The following WDR70 variants were observed in gnomAD, a reference collection of about 807,000 sequenced individuals.
WDR70 encodes WD repeat-containing protein 70.
In WDR70, 53 loss-of-function variants were observed where a neutral mutation model predicts 88.6. That is an observed-to-expected ratio of 0.60 (90% CI 0.48 to 0.75). The LOEUF is 0.75. Among genes scored for constraint, WDR70 ranks in the 30% least tolerant of loss-of-function variants. The probability of loss-of-function intolerance (pLI) is 0.00; values close to 1 mark genes in which losing one functional copy is unlikely to be tolerated. For missense variants in WDR70, 610 were observed against 823.2 expected, an observed-to-expected ratio of 0.74 and a Z score of 3.17; for synonymous variants, 280 against 270.0, an observed-to-expected ratio of 1.04 and a Z score of -0.36.
chr5:37,472,411 A>G (rs1392486039), intron 7 of WDR70, among the ~76,000 whole-genome samples: 1 of 152,072 alleles, frequency 6.6e-6, no homozygotes, highest in Non-Finnish European at 1.5e-5. Flanking sequence ...GTTTTACTCA[A>G]TAAAATGTTT....
At chr5:37,552,852 A>G (rs922064832) in intron 9 of WDR70, among the ~76,000 whole-genome samples, 3 of 152,232 alleles carry the variant, frequency 2.0e-5, no homozygotes, top group Non-Finnish European at 4.4e-5. Context: ...ATTGACACTC[A>G]TAATGCTAAG....
intron 8 of WDR70, among the ~76,000 whole-genome samples, chr5:37,512,045 C>G (rs1342504253): frequency 6.6e-6 from 1 of 152,152 alleles, no homozygotes; most frequent in African/African-American, 2.4e-5. Context: ...GGCCAGAAGG[C>G]TGAAATCAAG....
intron 5 of WDR70, among the ~76,000 whole-genome samples, chr5:37,421,420 C>T (rs865871906): frequency 4.6e-5 from 7 of 152,188 alleles, no homozygotes; most frequent in Admixed American, 2.6e-4. Flanking sequence ...TAAGCTGTGA[C>T]GCTTGTAAGG....
chr5:37,411,132 T>C (rs567567494), intron 5 of WDR70, among the ~76,000 whole-genome samples: 17 of 152,350 alleles, frequency 1.1e-4, no homozygotes, highest in African/African-American at 3.8e-4. Flanking sequence ...TGTTTTTTTA[T>C]TTTTATTTTG....
chr5:37,718,104 A>G lies in WDR70; in HGVS notation c.1417-3011A>G, dbSNP rs1037331669. Among the ~76,000 whole-genome samples, 5 of 152,150 alleles carry G rather than the reference A, an allele frequency of 3.3e-5. No individual in the cohort carries two copies. The South Asian group carries it at 1.0e-3, about 32-fold the overall frequency. The stretch of plus-strand genomic sequence containing the variant: ...CTTATTTGCCTCTCCCTGTTTCGGC[A>G]TGAAAGGAGGGTAAATATGCTTCTC... On this transcript the variant is annotated intron_variant, in intron 13 of 17. Transcript: ENST00000265107.
At chr5:37,563,553 G>A (rs1742611395) in intron 9 of WDR70, among the ~76,000 whole-genome samples, 2 of 59,792 alleles carry the variant, frequency 3.3e-5, no homozygotes, top group African/African-American at 7.4e-5. Flanking sequence ...GCCGGGCGGG[G>A]GGCTGACCCC....
At chr5:37,742,546 A>G (rs528348557) in intron 17 of WDR70, among the ~76,000 whole-genome samples, 1 of 152,210 alleles carries the variant, frequency 6.6e-6, no homozygotes, top group South Asian at 2.1e-4. Context: ...TCACTCTGTC[A>G]GTTGTGTCCT....
At chr5:37,506,615 T>A in intron 8 of WDR70, 1 of 777,110 alleles carries the variant, frequency 1.3e-6, no homozygotes, top group Non-Finnish European at 2.4e-6. Flanking sequence ...CTAACAATCC[T>A]TCAGGAGGCT....
chr5:37,443,782 G>A lies in WDR70; in HGVS notation c.686+410G>A, dbSNP rs1489772028. Among the ~76,000 whole-genome samples, 13 of 152,132 alleles carry A rather than the reference G, an allele frequency of 8.5e-5. 1 individual carries two copies. Among genetic ancestry groups the A allele is most frequent in the Admixed American group, 6.5e-4 (10 of 15,274 alleles). On this transcript the variant is annotated intron_variant, in intron 7 of 17. Coordinates refer to ENST00000265107, the MANE Select transcript of WDR70 (RefSeq NM_018034.4). ...CAGGAGAATTGCTCTAGCCTGAGGG[G>A]TGGAGGTTGCAGTGAGCTGAGATTG...
At chr5:37,450,341 T>A (rs1340286081) in intron 7 of WDR70, among the ~76,000 whole-genome samples, 2 of 152,160 alleles carry the variant, frequency 1.3e-5, no homozygotes. Flanking sequence ...GCTCCTGGGA[T>A]GTCACTGCTC....
chr5:37,407,743 G>A (rs1308693572), intron 5 of WDR70, among the ~76,000 whole-genome samples: 1 of 151,574 alleles, frequency 6.6e-6, no homozygotes, highest in Non-Finnish European at 1.5e-5. Flanking sequence ...TGCCTAGGCT[G>A]GTTTCAAACT....
intron 9 of WDR70, among the ~76,000 whole-genome samples, chr5:37,548,443 A>C (rs182122471): frequency 2.2e-4 from 34 of 152,226 alleles, no homozygotes; most frequent in African/African-American, 7.9e-4. Context: ...TCTTCTTTTG[A>C]GAAATGTCTA....
rs1448685898 is a variant in WDR70 at position 37,676,196 on chromosome 5, A to T, written c.1093-21459A>T. Among the ~76,000 whole-genome samples the T allele has an allele frequency of 4.0e-5, 6 of 151,430 alleles. No individual in the cohort carries two copies. In the South Asian group the frequency reaches 6.3e-4, roughly 16 times the overall value. ...CATCTGCAAACAGGGACAATTTGAC[A>T]TCCTCTTTTCCTAATTGAATACCCT... is the stretch of plus-strand genomic sequence containing the variant. On this transcript the variant is annotated intron_variant, in intron 10 of 17. Transcript: ENST00000265107.
intron 10 of WDR70, among the ~76,000 whole-genome samples, chr5:37,665,669 A>T (rs1581476773): frequency 6.6e-6 from 1 of 152,304 alleles, no homozygotes; most frequent in East Asian, 1.9e-4. Context: ...CTATGTAGAG[A>T]TAGGACTATT....
At chr5:37,638,301 A>G (rs1174316633) in intron 10 of WDR70, among the ~76,000 whole-genome samples, 2 of 152,178 alleles carry the variant, frequency 1.3e-5, no homozygotes, top group Non-Finnish European at 2.9e-5. Context: ...TATTGAGTTA[A>G]TGAATTTAGT....
At chr5:37,519,006 T>A (rs1740987556) in intron 9 of WDR70, among the ~76,000 whole-genome samples, 1 of 152,036 alleles carries the variant, frequency 6.6e-6, no homozygotes, top group Non-Finnish European at 1.5e-5. Context: ...GGGTTGGGGG[T>A]AAGGTTATAG....
At chr5:37,672,651 C>G (rs556339988) in intron 10 of WDR70, among the ~76,000 whole-genome samples, 30 of 152,266 alleles carry the variant, frequency 2.0e-4, no homozygotes, top group African/African-American at 7.0e-4. Context: ...ACCTTCTCCC[C>G]ACTCTTAGCC....
intron 8 of WDR70, among the ~76,000 whole-genome samples, chr5:37,512,823 A>G (rs4869523): frequency 0.9 from 137,043 of 151,942 alleles, 63,417 homozygotes; most frequent in East Asian, 1. Context: ...GAGCTCAAGC[A>G]ATCCGCCTGT....
intron 9 of WDR70, among the ~76,000 whole-genome samples, chr5:37,523,864 G>A (rs1052780561): frequency 6.6e-6 from 1 of 152,130 alleles, no homozygotes; most frequent in African/African-American, 2.4e-5. Flanking sequence ...TCAATCAACT[G>A]GAATAAAGGG....
Sources: allele counts gnomAD v4.1 joint callset (sites outside exome capture counted in the v4.1 genomes callset), GRCh38; gene constraint gnomAD v4.1.1; transcripts MANE v1.5; gene names NCBI Gene and HGNC (gene_info 2026-07-23, HGNC 2026-07-21).